Variants in ADAMTS20 observed in about 807,000 individuals in gnomAD.
ADAMTS20 encodes A disintegrin and metalloproteinase with thrombospondin motifs 20.
Under a neutral mutation model 260.1 loss-of-function variants are expected in ADAMTS20, and 225 were observed. That is an observed-to-expected ratio of 0.87 (90% CI 0.78 to 0.97). The LOEUF (loss-of-function observed/expected upper bound fraction) is 0.97, where lower values mean the gene tolerates loss of function less well. Among genes scored for constraint, ADAMTS20 ranks in the 50% least tolerant of loss-of-function variants. ADAMTS20 has a pLI of 0.00. For missense variants in ADAMTS20, 2,400 were observed against 2,337.7 expected, an observed-to-expected ratio of 1.03 and a Z score of -0.55; for synonymous variants, 802 against 769.5, an observed-to-expected ratio of 1.04 and a Z score of -0.70.
At chr12:43,521,010 C>G (rs1313623650) in intron 3 of ADAMTS20, among the ~76,000 whole-genome samples, 1 of 152,174 alleles carries the variant, frequency 6.6e-6, no homozygotes, top group African/African-American at 2.4e-5. Flanking sequence ...TTGCAAGAAG[C>G]ATGTATATTC....
At chr12:43,518,572 T>C (rs1354309554) in intron 3 of ADAMTS20, among the ~76,000 whole-genome samples, 1 of 152,086 alleles carries the variant, frequency 6.6e-6, no homozygotes, top group African/African-American at 2.4e-5. Flanking sequence ...GACAATCTCA[T>C]TCAGCCTTAT....
intron 3 of ADAMTS20, among the ~76,000 whole-genome samples, chr12:43,521,573 C>T (rs1455507900): frequency 2.0e-5 from 3 of 152,176 alleles, no homozygotes; most frequent in African/African-American, 4.8e-5. Context: ...TCCCCACCTT[C>T]GGCCTCTTAT....
chr12:43,485,089 G>A (rs1397338), intron 7 of ADAMTS20, among the ~76,000 whole-genome samples: 97,532 of 139,470 alleles, frequency 0.7, 34,372 homozygotes, highest in East Asian at 1. Context: ...AAGAAAGGAC[G>A]TAGCCAAAAA....
chr12:43,535,541 T>C (rs1450027472), intron 2 of ADAMTS20, among the ~76,000 whole-genome samples: 2 of 152,142 alleles, frequency 1.3e-5, no homozygotes, highest in African/African-American at 4.8e-5. Flanking sequence ...TCCAGTAAGG[T>C]TGTCAACAGA....
chr12:43,532,176 T>G lies in ADAMTS20; in HGVS notation c.473A>C (p.Gln158Pro). 6.2e-7 allele frequency: 1 copy of G among 1,602,688 alleles called. No homozygotes were observed. The highest frequency in any genetic ancestry group is 8.5e-7 in the Non-Finnish European group (1 of 1,176,348). The change falls in exon 3 of 39, where the codon CAG becomes CCG. Residue 158 changes from glutamine (Q) to proline (P), a missense_variant. Transcript: ENST00000389420. Reference protein sequence around the residue: ...CGGLTGTFKGQNGEYFLEPIM... With the variant: ...CGGLTGTFKGPNGEYFLEPIM... ...AGGTTCTAAGAAATATTCACCGTTC[T>G]GTCCTTTAAATGTTCCCGTCTGAAA... is the stretch of plus-strand genomic sequence containing the variant.
Position 43,493,356 on chromosome 12 carries a change from C to G in ADAMTS20, c.868-103G>C, listed in dbSNP as rs144848151. ...GTATCAATTCTCTAATTGCACTGCA[C>G]GTAGGAATCTTGGAATCTCTTAGAG... is the stretch of plus-strand genomic sequence containing the variant. On this transcript the variant is annotated intron_variant, in intron 4 of 38. Transcript: ENST00000389420. 282 of 780,162 alleles carry G rather than the reference C, an allele frequency of 3.6e-4. No individual in the cohort carries two copies. The African/African-American group carries it at 4.6e-3, about 13-fold the overall frequency. 48.3% of individuals were successfully genotyped at this position (780,162 alleles called of 1,614,324 possible).
At position 43,428,331 on chromosome 12, in the gene ADAMTS20, C is replaced by A; in HGVS notation, c.3855G>T (p.Leu1285Phe). The stretch of plus-strand genomic sequence containing the variant: ...TATCTTCAAGTTTTTGAGTTAATGG[C>A]AAATTCGTGCTTAGATAATAGCTTG... ...VQPSYYLSTN[L>F]PLTQKLEDNE... The change falls in exon 26 of 39, where the codon TTG becomes TTT. Residue 1285 changes from leucine to phenylalanine, a missense_variant. Transcript: ENST00000389420. The A allele has an allele frequency of 6.2e-7, 1 of 1,613,878 alleles. No individual in the cohort carries two copies. The highest frequency in any genetic ancestry group is 8.5e-7 in the Non-Finnish European group (1 of 1,179,870).
chr12:43,509,697 A>G (rs1942896231), intron 3 of ADAMTS20, among the ~76,000 whole-genome samples: 1 of 152,142 alleles, frequency 6.6e-6, no homozygotes, highest in Non-Finnish European at 1.5e-5. Flanking sequence ...CAAGTGAACA[A>G]AATGGGTGAC....
chr12:43,359,440 T>C (rs1285037955), intron 37 of ADAMTS20, among the ~76,000 whole-genome samples: 1 of 152,258 alleles, frequency 6.6e-6, no homozygotes, highest in East Asian at 1.9e-4. Context: ...ATGTAATCTA[T>C]AGATCTAATA....
intron 28 of ADAMTS20, chr12:43,423,055 T>A (rs891074457): frequency 9.9e-5 from 15 of 152,214 alleles, no homozygotes; most frequent in African/African-American, 3.6e-4. Flanking sequence ...ATGAATTATT[T>A]GTAATTTTAA....
chr12:43,437,885 C>T (rs939046040), intron 18 of ADAMTS20, among the ~76,000 whole-genome samples: 3 of 151,934 alleles, frequency 2.0e-5, no homozygotes, highest in African/African-American at 7.3e-5. Context: ...AAGAGGGCCA[C>T]AGTAGCCAAA....
chr12:43,424,845 A>T (rs1407854726), intron 28 of ADAMTS20, among the ~76,000 whole-genome samples: 2 of 151,974 alleles, frequency 1.3e-5, no homozygotes, highest in South Asian at 4.1e-4. Context: ...AAAAACTATT[A>T]TATATGTTAC....
intron 3 of ADAMTS20, among the ~76,000 whole-genome samples, chr12:43,522,148 G>A (rs1943080552): frequency 1.3e-5 from 2 of 152,144 alleles, no homozygotes; most frequent in South Asian, 2.1e-4. Context: ...GAGGCCTCAG[G>A]AAACTTACAA....
chr12:43,527,256 C>T (rs1370232444), intron 3 of ADAMTS20, among the ~76,000 whole-genome samples: 3 of 152,034 alleles, frequency 2.0e-5, no homozygotes, highest in Non-Finnish European at 4.4e-5. Flanking sequence ...AATTCTACCA[C>T]ACGTCTATTC....
intron 7 of ADAMTS20, among the ~76,000 whole-genome samples, chr12:43,487,612 C>A (rs1394214053): frequency 6.6e-6 from 1 of 151,998 alleles, no homozygotes; most frequent in Non-Finnish European, 1.5e-5. Flanking sequence ...AAATTAAAGT[C>A]TAGCAACAGT....
intron 7 of ADAMTS20, among the ~76,000 whole-genome samples, chr12:43,474,381 T>A (rs1391257007): frequency 2.7e-5 from 4 of 150,382 alleles, no homozygotes; most frequent in Admixed American, 1.3e-4. Context: ...CAGGACCAGA[T>A]GGATTCACAG....
At chr12:43,545,218 C>T (rs1044183578) in intron 2 of ADAMTS20, among the ~76,000 whole-genome samples, 3 of 152,156 alleles carry the variant, frequency 2.0e-5, no homozygotes, top group Non-Finnish European at 2.9e-5. Context: ...CACTGCCTCC[C>T]CTGTACCCTG....
At chr12:43,491,343 G>T (rs1942597237) in intron 6 of ADAMTS20, among the ~76,000 whole-genome samples, 1 of 152,078 alleles carries the variant, frequency 6.6e-6, no homozygotes, top group South Asian at 2.1e-4. Flanking sequence ...TATTATGTTT[G>T]CATAAAGACT....
chr12:43,356,897 T>A (rs1256127739), intron 37 of ADAMTS20, among the ~76,000 whole-genome samples: 1 of 152,220 alleles, frequency 6.6e-6, no homozygotes, highest in Admixed American at 6.5e-5. Context: ...TGACATATTT[T>A]CCAGAATCTC....
Sources: gnomAD v4.1 joint callset for allele counts (sites outside exome capture counted in the v4.1 genomes callset) on GRCh38, gnomAD v4.1.1 for gene constraint, MANE v1.5 for transcripts, NCBI Gene and HGNC (gene_info 2026-07-23, HGNC 2026-07-21) for gene names.